Variants in WSB2 observed in about 807,000 individuals in gnomAD.
WSB2 encodes the protein WD repeat and SOCS box containing 2, also known as WD repeat and SOCS box-containing protein 2.
Under a neutral mutation model 48.8 loss-of-function variants are expected in WSB2, and 12 were observed. The observed-to-expected ratio is 0.25, with a 90% CI of 0.16 to 0.40. The LOEUF is 0.40. Among genes scored for constraint, WSB2 ranks in the 10% least tolerant of loss-of-function variants. The probability of loss-of-function intolerance (pLI) is 1.00; values close to 1 mark genes in which losing one functional copy is unlikely to be tolerated. For missense variants in WSB2, 317 were observed against 506.2 expected (o/e 0.63, Z 3.59); for synonymous variants, 191 against 203.1 (o/e 0.94, Z 0.51).
Position 118,060,200 on chromosome 12 carries a change from GT to G in WSB2, c.13+835del, listed in dbSNP as rs1338137420. Among the ~76,000 whole-genome samples, 6 of 152,108 alleles carry G rather than the reference GT, an allele frequency of 3.9e-5. No homozygotes were observed. Among genetic ancestry groups the G allele is most frequent in the East Asian group, 3.9e-4 (2 of 5,182 alleles). On this transcript the variant is annotated intron_variant, in intron 1 of 8. Coordinates refer to ENST00000315436, the MANE Select transcript of WSB2 (RefSeq NM_018639.5). This position sits in a 1 kb window ranked among gnomAD's most constrained non-coding sequence, Gnocchi z 4.1. The stretch of plus-strand genomic sequence containing the variant: ...GGCCAAGGCGTGCATGCGTCTTGGG[GT>G]TTTTTTCCCCTTGCATAAGAGACAC...
chr12:118,038,471 G>A, intron 4 of WSB2, 83 bp from the exon 5 acceptor site: 3 of 1,305,106 alleles, frequency 2.3e-6, no homozygotes, highest in East Asian at 4.8e-5. Flanking sequence ...GGTGGTAACA[G>A]CCCCCAGCCC....
chr12:118,052,631 C>G, intron 1 of WSB2, 153 bp from the exon 2 acceptor site: 1 of 1,128,178 alleles, frequency 8.9e-7, no homozygotes, highest in East Asian at 2.5e-5. Flanking sequence ...TAACAGCAGC[C>G]ACAGGCCACA....
upstream of WSB2, chr12:118,061,231 G>A (rs1235409203): frequency 2.3e-5 from 22 of 973,368 alleles, no homozygotes; most frequent in South Asian, 8.5e-4. Flanking sequence ...CGGGGCGCAG[G>A]GGAAACGGAG....
intron 4 of WSB2, among the ~76,000 whole-genome samples, chr12:118,039,856 G>C (rs1188944465): frequency 6.6e-6 from 1 of 151,494 alleles, no homozygotes; most frequent in Non-Finnish European, 1.5e-5. Context: ...CGATTCTCCT[G>C]CCTCAGCCTC....
intron 1 of WSB2, among the ~76,000 whole-genome samples, chr12:118,057,023 G>A (rs968322710): frequency 1.3e-5 from 2 of 152,086 alleles, no homozygotes; most frequent in East Asian, 3.9e-4. Flanking sequence ...TGTGATTTAG[G>A]GATTTAATCT....
rs1159642800 is a variant in WSB2, at chr12:118,033,449, TAACTC to T, written c.*742_*746del. ...TATGATGCTAATAAATGGCCACTGATAACTCAGTAGCCATCTGAATAGTCATGCGG... is the reference window on the plus strand; with the variant it reads ...TATGATGCTAATAAATGGCCACTGATAGTAGCCATCTGAATAGTCATGCGG... On this transcript the variant is annotated 3_prime_UTR_variant, in exon 9 of 9. Coordinates refer to ENST00000315436, the MANE Select transcript of WSB2 (RefSeq NM_018639.5). The T allele has an allele frequency of 2.6e-5, 4 of 151,994 alleles. No individual in the cohort carries two copies. Among genetic ancestry groups the T allele is most frequent in the Non-Finnish European group, 4.4e-5 (3 of 68,006 alleles). 9.4% of individuals were successfully genotyped at this position (151,994 alleles called of 1,614,324 possible).
rs554657138 is a variant in WSB2, at chr12:118,043,461, G to A, written c.183-84C>T. ...CATCCTGGGACACGTAAGACTTTTG[G>A]GGAGTGGAGGGAAGGGTCTGTCACC... On this transcript the variant is annotated intron_variant, in intron 2 of 8. Coordinates refer to ENST00000315436, the MANE Select transcript of WSB2 (RefSeq NM_018639.5). The A allele has an allele frequency of 5.2e-5, 78 of 1,500,762 alleles. No individual in the cohort carries two copies. The African/African-American group carries it at 9.9e-4, about 19-fold the overall frequency. The allele number at this position is 1,500,762 out of a possible 1,614,324, so 93.0% of individuals were successfully genotyped here.
In WSB2 at chr12:118,060,199, G is replaced by A. The variant is rs2032035168; in HGVS notation, c.13+837C>T. ...GGGCCAAGGCGTGCATGCGTCTTGG[G>A]GTTTTTTTCCCCTTGCATAAGAGAC... On this transcript the variant is annotated intron_variant, in intron 1 of 8. Coordinates refer to ENST00000315436, the MANE Select transcript of WSB2 (RefSeq NM_018639.5). The surrounding 1 kb of genome is among the most constrained non-coding windows in gnomAD (Gnocchi z 4.1). Among the ~76,000 whole-genome samples the A allele has an allele frequency of 6.6e-6, 1 of 152,110 alleles. No homozygotes were observed. The highest frequency in any genetic ancestry group is 2.4e-5 in the African/African-American group (1 of 41,402).
chr12:118,037,333 T>C (rs545924269), intron 5 of WSB2, among the ~76,000 whole-genome samples: 4 of 152,140 alleles, frequency 2.6e-5, no homozygotes, highest in African/African-American at 9.6e-5. Context: ...CTTTAAACCT[T>C]TGTGAGAAGC....
rs1404196388 is a variant in WSB2, at chr12:118,060,216, A to G, written c.13+820T>C. ...CGTCTTGGGGTTTTTTTCCCCTTGC[A>G]TAAGAGACACACCTTTCCCACTGAG... On this transcript the variant is annotated intron_variant, in intron 1 of 8. Coordinates refer to ENST00000315436, the MANE Select transcript of WSB2 (RefSeq NM_018639.5). This position sits in a 1 kb window ranked among gnomAD's most constrained non-coding sequence, Gnocchi z 4.1. Among the ~76,000 whole-genome samples, 2 of 152,262 alleles carry G rather than the reference A, an allele frequency of 1.3e-5. No individual in the cohort carries two copies. Among genetic ancestry groups the G allele is most frequent in the Admixed American group, 6.5e-5 (1 of 15,292 alleles).
In WSB2 at chr12:118,056,088, C is replaced by T. The variant is rs80079700; in HGVS notation, c.14-3610G>A. The stretch of plus-strand genomic sequence containing the variant: ...GCTCTCCCGGCTTCCCCTCTAGCCC[C>T]GCACCATCGGTTCTCCTTGCCTCCA... On this transcript the variant is annotated intron_variant, in intron 1 of 8. Transcript: ENST00000315436. Among the ~76,000 whole-genome samples the T allele has an allele frequency of 1.9e-3, 293 of 152,152 alleles. 1 individual carries two copies. The highest frequency in any genetic ancestry group is 6.7e-3 in the African/African-American group (278 of 41,506).
chr12:118,055,116 GTA>G lies in WSB2; in HGVS notation c.14-2640_14-2639del, dbSNP rs1394420293. On this transcript the variant is annotated intron_variant, in intron 1 of 8. Coordinates refer to ENST00000315436, the MANE Select transcript of WSB2 (RefSeq NM_018639.5). ...CCCAGGTAAATCCTCCTAGAAATCT[GTA>G]TGTTTGTATGTGTGACAGTTTCATT... is the stretch of plus-strand genomic sequence containing the variant. 2.6e-5 allele frequency among the ~76,000 whole-genome samples: 4 copies of G among 151,980 alleles called. No homozygotes were observed. The East Asian group carries it at 7.7e-4, about 29-fold the overall frequency.
intron 4 of WSB2, among the ~76,000 whole-genome samples, chr12:118,039,921 T>G (rs1163105864): frequency 1.3e-5 from 2 of 151,994 alleles, no homozygotes; most frequent in Non-Finnish European, 2.9e-5. Context: ...TTTTTACATA[T>G]TTTTAGTAGA....
chr12:118,044,239 A>G (rs1278129618), intron 2 of WSB2, among the ~76,000 whole-genome samples: 2 of 152,168 alleles, frequency 1.3e-5, no homozygotes, highest in Non-Finnish European at 2.9e-5. Context: ...TGCTCCAGGG[A>G]GTCACATGCT....
At chr12:118,034,910 G>A in intron 8 of WSB2, 76 bp downstream of exon 8, 4 of 1,391,070 alleles carry the variant, frequency 2.9e-6, no homozygotes, top group Non-Finnish European at 3.0e-6. Context: ...AATTCTAGAT[G>A]GTTTCTTTCC....
chr12:118,034,939 T>C (rs1324306296), intron 8 of WSB2, 47 bp downstream of exon 8: 2 of 1,572,514 alleles, frequency 1.3e-6, no homozygotes, highest in African/African-American at 2.7e-5. Context: ...CTCCATGGTA[T>C]ACTCAGCAGA....
chr12:118,038,759 C>T (rs566609900), intron 4 of WSB2, among the ~76,000 whole-genome samples: 23 of 152,274 alleles, frequency 1.5e-4, no homozygotes, highest in African/African-American at 5.5e-4. Flanking sequence ...CAGCTCACTG[C>T]AACCTCTGCC....
rs2032057712 is a variant in WSB2 at position 118,061,132 on chromosome 12, C to T, written c.-84G>A. 13 of 981,460 alleles carry T rather than the reference C, an allele frequency of 1.3e-5. No homozygotes were observed. The highest frequency in any genetic ancestry group is 1.6e-5 in the Non-Finnish European group (13 of 828,322). 60.8% of individuals were successfully genotyped at this position (981,460 alleles called of 1,614,324 possible). Reference sequence around the variant, plus strand: ...GCCCTCATGCCGCCCCCGCGCCGCCCGCCCCGGCCAGGCCGCCGCCGCCGC... The same window carrying T: ...GCCCTCATGCCGCCCCCGCGCCGCCTGCCCCGGCCAGGCCGCCGCCGCCGC... On this transcript the variant is annotated 5_prime_UTR_variant, in exon 1 of 9. Coordinates refer to ENST00000315436, the MANE Select transcript of WSB2 (RefSeq NM_018639.5).
At chr12:118,036,047 C>T (rs375723736) in intron 6 of WSB2, 15 of 204,646 alleles carry the variant, frequency 7.3e-5, no homozygotes, top group East Asian at 3.7e-4. Context: ...AATAAAAATA[C>T]AAAAATTAGC....
Sources: gnomAD v4.1 joint callset for allele counts (sites outside exome capture counted in the v4.1 genomes callset) on GRCh38, gnomAD v4.1.1 for gene constraint, Gnocchi (gnomAD v3.1) non-coding constraint, MANE v1.5 for transcripts, NCBI Gene and HGNC (gene_info 2026-07-23, HGNC 2026-07-21) for gene names.